Variants in MYO16 observed in about 807,000 individuals in gnomAD.
MYO16 encodes the protein unconventional myosin-XVI.
In MYO16, 94 loss-of-function variants were observed where a neutral mutation model predicts 205.3. The ratio of observed to expected loss-of-function variants is 0.46; its 90% CI spans 0.39 to 0.54. The LOEUF is 0.54. Ranked by LOEUF, MYO16 falls within the 20% of genes least tolerant of loss-of-function variation. MYO16 has a pLI of 0.00. For synonymous variants in MYO16, 988 were observed against 954.0 expected, an observed-to-expected ratio of 1.04 and a Z score of -0.66; for missense variants, 2,315 against 2,387.5, an observed-to-expected ratio of 0.97 and a Z score of 0.63.
At chr13:108,689,686 A>T (rs773255644) in intron 2 of MYO16, among the ~76,000 whole-genome samples, 4 of 152,128 alleles carry the variant, frequency 2.6e-5, no homozygotes, top group Non-Finnish European at 5.9e-5. Flanking sequence ...GAATGTACAA[A>T]TACAGAGTCT....
At chr13:108,581,881 AAAAAAAAAAAAG>A in the MYO16 span, among the ~76,000 whole-genome samples, 4 of 130,766 alleles carry the variant, frequency 3.1e-5, no homozygotes, top group East Asian at 2.1e-4. Flanking sequence ...CGCTGTCTCG[AAAAAAAAAAAAG>A]AAAAAAAAAA....
intron 34 of MYO16, among the ~76,000 whole-genome samples, chr13:109,186,199 G>C (rs1708701961): frequency 6.6e-6 from 1 of 152,044 alleles, no homozygotes; most frequent in South Asian, 2.1e-4. Context: ...TTAGGGCTGA[G>C]GTATCGATAC....
intron 27 of MYO16, among the ~76,000 whole-genome samples, chr13:109,078,411 G>A (rs913398843): frequency 6.6e-6 from 1 of 151,838 alleles, no homozygotes; most frequent in Non-Finnish European, 1.5e-5. Flanking sequence ...ACTGTGCTCC[G>A]GTCTGGGCAA....
chr13:108,888,030 C>A (rs181980781), intron 13 of MYO16, among the ~76,000 whole-genome samples: 1 of 152,228 alleles, frequency 6.6e-6, no homozygotes, highest in East Asian at 1.9e-4. Flanking sequence ...TGACACCTTT[C>A]TGGCATAATT....
At chr13:109,145,370 G>GAA (rs35190969) in intron 32 of MYO16, among the ~76,000 whole-genome samples, 194 of 149,254 alleles carry the variant, frequency 1.3e-3, no homozygotes, top group Middle Eastern at 3.5e-3. Flanking sequence ...AAAAGAGACA[G>GAA]AAAAAAAAAA....
At chr13:108,947,552 G>GCAGTTCTGGGTGTGTGTTT (rs1882985090) in intron 16 of MYO16, among the ~76,000 whole-genome samples, 1 of 152,176 alleles carries the variant, frequency 6.6e-6, no homozygotes, top group Admixed American at 6.5e-5. Context: ...TGAAATATCA[G>GCAGTTCTGGGTGTGTGTTT]CAGTTCTGGG....
At chr13:109,146,813 GAGAAAGAA>G (rs1002070757) in intron 32 of MYO16, among the ~76,000 whole-genome samples, 2 of 141,896 alleles carry the variant, frequency 1.4e-5, no homozygotes, top group Non-Finnish European at 3.1e-5. Context: ...AGAAAGAAGA[GAGAAAGAA>G]AGAAAGAGAG....
intron 2 of MYO16, among the ~76,000 whole-genome samples, chr13:108,705,144 T>C (rs1396899910): frequency 6.6e-6 from 1 of 152,146 alleles, no homozygotes; most frequent in Non-Finnish European, 1.5e-5. Context: ...TGCACAACAT[T>C]CTGAATAGCA....
chr13:109,160,421 C>T (rs887549937), intron 32 of MYO16, among the ~76,000 whole-genome samples: 3 of 152,264 alleles, frequency 2.0e-5, no homozygotes, highest in African/African-American at 7.2e-5. Flanking sequence ...GAGTCAGATC[C>T]TGATGTGATT....
chr13:109,196,724 C>G (rs935345619), intron 34 of MYO16, among the ~76,000 whole-genome samples: 8 of 152,116 alleles, frequency 5.3e-5, no homozygotes, highest in African/African-American at 1.7e-4. Flanking sequence ...TGGAATGGAT[C>G]CCTTTGTCAA....
Position 109,179,642 on chromosome 13 carries a change from G to A in MYO16, c.5415+9G>A. On this transcript the variant is annotated intron_variant, in intron 34 of 34. Transcript: ENST00000457511. ...ACAGTCACACCACTCAGGTAATGAT[G>A]TCTGTCTGTTCACATGTGCAGTGAC... 1.2e-6 allele frequency: 2 copies of A among 1,602,718 alleles called. No homozygotes were observed. The highest frequency in any genetic ancestry group is 1.1e-5 in the South Asian group (1 of 90,836).
chr13:108,781,592 C>G (rs1300858112), intron 4 of MYO16, among the ~76,000 whole-genome samples: 1 of 152,170 alleles, frequency 6.6e-6, no homozygotes, highest in Non-Finnish European at 1.5e-5. Flanking sequence ...GCCCTGGCTC[C>G]CCTCTGTTCA....
At chr13:108,685,025 A>AT (rs60535536) in intron 2 of MYO16, among the ~76,000 whole-genome samples, 59,703 of 141,794 alleles carry the variant, frequency 0.42, 12,672 homozygotes, top group South Asian at 0.58. Context: ...AACCACCCCA[A>AT]TTTTTTTTTT....
chr13:109,022,169 A>G (rs371548295), intron 23 of MYO16, among the ~76,000 whole-genome samples: 1 of 140,972 alleles, frequency 7.1e-6, no homozygotes, highest in African/African-American at 2.6e-5. Flanking sequence ...ATATATACAA[A>G]TATATATTTA....
At chr13:109,039,289 CA>C (rs1886808488) in intron 23 of MYO16, among the ~76,000 whole-genome samples, 1 of 152,162 alleles carries the variant, frequency 6.6e-6, no homozygotes, top group South Asian at 2.1e-4. Flanking sequence ...ATTGGTAAAA[CA>C]ATGACATAGG....
intron 14 of MYO16, among the ~76,000 whole-genome samples, chr13:108,891,279 G>T (rs1197272637): frequency 1.3e-5 from 2 of 152,122 alleles, no homozygotes; most frequent in African/African-American, 4.8e-5. Flanking sequence ...TCTTCAATTT[G>T]TCTTACCTGC....
intron 20 of MYO16, among the ~76,000 whole-genome samples, chr13:108,980,501 C>T (rs1005581200): frequency 2.6e-5 from 4 of 152,062 alleles, no homozygotes; most frequent in Non-Finnish European, 5.9e-5. Flanking sequence ...ACTGCAGTGC[C>T]GTACAGAAAG....
chr13:109,016,896 G>A (rs1245598356), intron 22 of MYO16, among the ~76,000 whole-genome samples: 1 of 152,068 alleles, frequency 6.6e-6, no homozygotes, highest in Admixed American at 6.6e-5. Context: ...ACAGCACACT[G>A]ATGGGTCTTG....
chr13:109,123,737 C>T (rs374551056), intron 29 of MYO16, among the ~76,000 whole-genome samples: 2 of 152,188 alleles, frequency 1.3e-5, no homozygotes, highest in Non-Finnish European at 2.9e-5. Flanking sequence ...ATATTATTTT[C>T]CTGTTCAGCC....
Sources: gnomAD v4.1 joint callset for allele counts (sites outside exome capture counted in the v4.1 genomes callset) on GRCh38, gnomAD v4.1.1 for gene constraint, MANE v1.5 for transcripts, NCBI Gene and HGNC (gene_info 2026-07-23, HGNC 2026-07-21) for gene names.